Variants in DPRX observed in about 807,000 individuals in gnomAD.
The protein encoded by DPRX is divergent paired-related homeobox.
In DPRX, 11 loss-of-function variants were observed where a neutral mutation model predicts 8.4. The ratio of observed to expected loss-of-function variants is 1.31; its 90% CI spans 0.82 to 2.17. The LOEUF (loss-of-function observed/expected upper bound fraction) is 2.17, where lower values mean the gene tolerates loss of function less well. Among genes scored for constraint, DPRX ranks in the 30% most tolerant of loss-of-function variants. The pLI is 0.00. For missense variants in DPRX, 211 were observed against 236.7 expected, an observed-to-expected ratio of 0.89 and a Z score of 0.71; for synonymous variants, 72 against 87.0, an observed-to-expected ratio of 0.83 and a Z score of 0.96.
At chr19:53,603,288 T>C in the DPRX span, 1 of 453,880 alleles carries the variant, frequency 2.2e-6, no homozygotes, top group Non-Finnish European at 4.4e-6. Context: ...CCACACTCCC[T>C]ACTCGGCCCC....
chr19:53,610,776 T>A, the DPRX span, among the ~76,000 whole-genome samples: 3 of 152,172 alleles, frequency 2.0e-5, no homozygotes, highest in Non-Finnish European at 2.9e-5. Flanking sequence ...CTATCGTTAG[T>A]GTATTTTATG....
At chr19:53,629,123 G>C (rs2091081726), upstream of DPRX, among the ~76,000 whole-genome samples, 1 of 150,580 alleles carries the variant, frequency 6.6e-6, no homozygotes, top group Non-Finnish European at 1.5e-5. Context: ...AGACCAGCCT[G>C]GCCAACATGG....
the DPRX span, among the ~76,000 whole-genome samples, chr19:53,623,543 A>C: frequency 2.0e-5 from 3 of 151,500 alleles, no homozygotes; most frequent in Non-Finnish European, 2.9e-5. Flanking sequence ...GAGGCTGAGG[A>C]AGGAGAATCG....
At chr19:53,622,614 C>T in the DPRX span, among the ~76,000 whole-genome samples, 1 of 152,082 alleles carries the variant, frequency 6.6e-6, no homozygotes, top group African/African-American at 2.4e-5. Context: ...CAGCAGCAAC[C>T]CAGTCTCTTC....
At chr19:53,611,772 G>T in the DPRX span, among the ~76,000 whole-genome samples, 33 of 152,194 alleles carry the variant, frequency 2.2e-4, no homozygotes, top group South Asian at 6.6e-3. Context: ...TATGTGAAAA[G>T]TAAAGTCTAA....
chr19:53,611,852 G>T, the DPRX span, among the ~76,000 whole-genome samples: 10 of 151,788 alleles, frequency 6.6e-5, no homozygotes, highest in Non-Finnish European at 1.3e-4. Flanking sequence ...GGAAGGCCGA[G>T]GCAGGTGGAT....
chr19:53,635,024 G>A (rs891934596), intron 2 of DPRX, among the ~76,000 whole-genome samples: 2 of 152,196 alleles, frequency 1.3e-5, no homozygotes, highest in Non-Finnish European at 2.9e-5. Flanking sequence ...TCAGGTTGGA[G>A]CACGGTGGTG....
upstream of DPRX, among the ~76,000 whole-genome samples, chr19:53,631,106 C>G (rs1201843047): frequency 1.3e-5 from 2 of 151,774 alleles, no homozygotes; most frequent in East Asian, 3.9e-4. Flanking sequence ...CTCAGCCTCC[C>G]AAAGTGCTGG....
chr19:53,608,972 AAAGGAAAG>A, the DPRX span, among the ~76,000 whole-genome samples: 8 of 114,966 alleles, frequency 7.0e-5, no homozygotes, highest in South Asian at 5.4e-4. Flanking sequence ...AAAAAAAAAA[AAAGGAAAG>A]AAAAGAAAGA....
chr19:53,610,933 C>T, the DPRX span, among the ~76,000 whole-genome samples: 15 of 152,084 alleles, frequency 9.9e-5, no homozygotes, highest in Non-Finnish European at 1.8e-4. Context: ...GATGGAGTCT[C>T]GCTCTGTCTC....
the DPRX span, among the ~76,000 whole-genome samples, chr19:53,614,196 C>T: frequency 0.012 from 1,878 of 152,170 alleles, 36 homozygotes; most frequent in African/African-American, 0.043. Flanking sequence ...GTAATCTGCC[C>T]GCCTCGGCCT....
At chr19:53,616,770 A>C in the DPRX span, 3 of 1,515,730 alleles carry the variant, frequency 2.0e-6, no homozygotes, top group Non-Finnish European at 2.7e-6. Context: ...ATAAGAAAAA[A>C]TAGAGGCCGA....
the DPRX span, chr19:53,602,312 G>GTGTC: frequency 8.1e-3 from 2,555 of 316,240 alleles, 103 homozygotes; most frequent in African/African-American, 0.058. Flanking sequence ...GTGTGTGTGT[G>GTGTC]CCAGCCTCCC....
the DPRX span, among the ~76,000 whole-genome samples, chr19:53,611,799 A>C: frequency 6.6e-6 from 1 of 152,074 alleles, no homozygotes; most frequent in Non-Finnish European, 1.5e-5. Flanking sequence ...TTTGAGGTGA[A>C]CTGGCTGGGC....
intron 1 of DPRX, 98 bp from the exon 2 acceptor site, chr19:53,634,433 A>C: frequency 6.9e-7 from 1 of 1,450,428 alleles, no homozygotes; most frequent in Admixed American, 2.2e-5. Context: ...TCACTTGATC[A>C]TCACGTTGTA....
chr19:53,616,312 A>G, the DPRX span, among the ~76,000 whole-genome samples: 1 of 152,186 alleles, frequency 6.6e-6, no homozygotes, highest in Admixed American at 6.6e-5. Context: ...GCGTGAAGAC[A>G]TGAAGCTCTT....
At chr19:53,605,873 T>C in the DPRX span, among the ~76,000 whole-genome samples, 1 of 151,332 alleles carries the variant, frequency 6.6e-6, no homozygotes, top group African/African-American at 2.4e-5. Context: ...CTCCCTGTGT[T>C]GCCCAGGGTG....
the DPRX span, chr19:53,616,833 A>C: frequency 1.2e-6 from 2 of 1,600,074 alleles, no homozygotes; most frequent in African/African-American, 2.7e-5. Flanking sequence ...TCCCGTTCTT[A>C]GCGCTTGAAT....
At chr19:53,625,498 G>A in the DPRX span, among the ~76,000 whole-genome samples, 45 of 152,082 alleles carry the variant, frequency 3.0e-4, no homozygotes, top group African/African-American at 1.1e-3. Context: ...ACAAGCAGTG[G>A]TCTGAGGATA....
Sources: allele counts gnomAD v4.1 joint callset (sites outside exome capture counted in the v4.1 genomes callset), GRCh38; gene constraint gnomAD v4.1.1; transcripts MANE v1.5; gene names NCBI Gene and HGNC (gene_info 2026-07-23, HGNC 2026-07-21).